PLAGL1: variants seen among roughly 807,000 people sequenced by gnomAD.
PLAGL1 encodes PLAG1 like zinc finger 1.
PLAGL1 carries 1 observed loss-of-function variant against 4.6 expected under a neutral mutation model. That is an observed-to-expected ratio of 0.22 (90% confidence interval 0.08 to 1.03). The LOEUF (loss-of-function observed/expected upper bound fraction) is 1.03. PLAGL1 is among the 50% of genes least tolerant of loss of function. The pLI is 0.58. For missense variants in PLAGL1, 464 were observed against 570.4 expected (o/e 0.81, Z 1.90); for synonymous variants, 240 against 237.8 (o/e 1.01, Z -0.08).
intron 1 of PLAGL1, among the ~76,000 whole-genome samples, chr6:144,002,531 C>A (rs949455181): frequency 4.6e-5 from 7 of 151,758 alleles, no homozygotes; most frequent in African/African-American, 1.7e-4. Flanking sequence ...AAAACAAAAA[C>A]AAAAACAAAT....
In PLAGL1 at chr6:143,963,328, G is replaced by C. The variant is rs184122791; in HGVS notation, c.-399+1459C>G. ...CATCTACCTCCCTCCCGCAGCTCTC[G>C]GGATACCTTGCAGTGCCCCTTCAAG... On this transcript the variant is annotated intron_variant, in intron 5 of 7. Transcript: ENST00000674357. The surrounding 1 kb of genome is among the most constrained non-coding windows in gnomAD (Gnocchi z 6.1). Among the ~76,000 whole-genome samples the C allele has an allele frequency of 6.6e-6, 1 of 152,108 alleles. No homozygotes were observed. Among genetic ancestry groups the C allele is most frequent in the Non-Finnish European group, 1.5e-5 (1 of 68,022 alleles).
intron 6 of PLAGL1, among the ~76,000 whole-genome samples, chr6:143,951,454 C>A (rs1479829608): frequency 6.6e-6 from 1 of 152,210 alleles, no homozygotes. Context: ...AAGTAAAACG[C>A]CTGCATTCTT....
rs1382030169 is a variant in PLAGL1 at position 144,056,391 on chromosome 6, T to C, written c.-151+8077A>G. 6.6e-6 allele frequency among the ~76,000 whole-genome samples: 1 copy of C among 152,202 alleles called. No individual in the cohort carries two copies. Among genetic ancestry groups the C allele is most frequent in the East Asian group, 1.9e-4 (1 of 5,200 alleles). On this transcript the variant is annotated intron_variant, in intron 1 of 3. Coordinates refer to the PLAGL1 transcript ENST00000437412. This position sits in a 1 kb window ranked among gnomAD's most constrained non-coding sequence, Gnocchi z 4.7. ...GCTCACCTTGACGTTATACATTCTA[T>C]GTGTTTGGACAAATTTATAACAGCA... is the stretch of plus-strand genomic sequence containing the variant.
rs950591592 is a variant in PLAGL1 at position 143,975,813 on chromosome 6, C to T, written c.-543-6835G>A. On this transcript the variant is annotated intron_variant, in intron 2 of 7. Coordinates refer to ENST00000674357, the MANE Select transcript of PLAGL1 (RefSeq NM_001317162.2). This position sits in a 1 kb window ranked among gnomAD's most constrained non-coding sequence, Gnocchi z 5.8. ...AAAGCAGCAGTGTGGTTTTTCTGCA[C>T]AATTCAGCTTTACTTCTTGCCACTT... Among the ~76,000 whole-genome samples the T allele has an allele frequency of 3.3e-5, 5 of 152,174 alleles. No individual in the cohort carries two copies. Among genetic ancestry groups the T allele is most frequent in the Non-Finnish European group, 5.9e-5 (4 of 68,030 alleles).
Position 143,990,572 on chromosome 6 carries a change from C to T in PLAGL1, c.-583-5398G>A, listed in dbSNP as rs1790265403. Among the ~76,000 whole-genome samples the T allele has an allele frequency of 6.6e-6, 1 of 152,202 alleles. No individual in the cohort carries two copies. The highest frequency in any genetic ancestry group is 1.5e-5 in the Non-Finnish European group (1 of 68,038). ...CTCACTTTCCAACCCATTCCCCAGG[C>T]TCTTATCTCTACCACTCTATCAAAA... On this transcript the variant is annotated intron_variant, in intron 1 of 7. Transcript: ENST00000674357. This position sits in a 1 kb window ranked among gnomAD's most constrained non-coding sequence, Gnocchi z 5.4.
chr6:143,998,966 C>A (rs1554268960), intron 1 of PLAGL1, among the ~76,000 whole-genome samples: 1 of 152,026 alleles, frequency 6.6e-6, no homozygotes, highest in Non-Finnish European at 1.5e-5. Flanking sequence ...TGCTAAGAAG[C>A]CAAGAATCTT....
In PLAGL1 at chr6:143,989,381, G is replaced by C. The variant is rs566283969; in HGVS notation, c.-583-4207C>G. ...TCTGGATGAAATCAACACTTGTGTT[G>C]GTGGAGTTCGGAGCATACCACCCTC... On this transcript the variant is annotated intron_variant, in intron 1 of 7. Coordinates refer to ENST00000674357, the MANE Select transcript of PLAGL1 (RefSeq NM_001317162.2). This position sits in a 1 kb window ranked among gnomAD's most constrained non-coding sequence, Gnocchi z 4.8. Among the ~76,000 whole-genome samples, 1 of 152,272 alleles carries C rather than the reference G, an allele frequency of 6.6e-6. No homozygotes were observed. Among genetic ancestry groups the C allele is most frequent in the South Asian group, 2.1e-4 (1 of 4,828 alleles).
intron 6 of PLAGL1, among the ~76,000 whole-genome samples, chr6:143,951,513 G>A (rs565167390): frequency 6.6e-6 from 1 of 152,322 alleles, no homozygotes; most frequent in East Asian, 1.9e-4. Flanking sequence ...CACACTAGGA[G>A]TACAAAGAAA....
upstream of PLAGL1, among the ~76,000 whole-genome samples, chr6:144,010,617 A>G (rs1182374608): frequency 6.6e-6 from 1 of 152,236 alleles, no homozygotes; most frequent in African/African-American, 2.4e-5. This position sits in a 1 kb window ranked among gnomAD's most constrained non-coding sequence, Gnocchi z 4.1. Flanking sequence ...TAAATTTCAT[A>G]TGGAACCAAA....
intron 2 of PLAGL1, among the ~76,000 whole-genome samples, chr6:143,977,421 T>G (rs1031224448): frequency 6.6e-6 from 1 of 151,726 alleles, no homozygotes; most frequent in Admixed American, 6.6e-5. Flanking sequence ...TGCCTTTTCA[T>G]GGCTTGATAG....
Position 144,016,051 on chromosome 6 carries a change from C to T in PLAGL1, c.-150-47073G>A, listed in dbSNP as rs1237979963. ...CAACACTGTGCGGAGTCAAAGAAAT[C>T]ATATTGTATTAGTCAGGGTTCTCTA... On this transcript the variant is annotated intron_variant, in intron 1 of 3. Transcript: ENST00000437412. This position sits in a 1 kb window ranked among gnomAD's most constrained non-coding sequence, Gnocchi z 4.2. Among the ~76,000 whole-genome samples, 2 of 151,992 alleles carry T rather than the reference C, an allele frequency of 1.3e-5. No individual in the cohort carries two copies. Among genetic ancestry groups the T allele is most frequent in the Non-Finnish European group, 2.9e-5 (2 of 68,000 alleles).
chr6:143,978,112 T>C lies in PLAGL1; in HGVS notation c.-544+7023A>G, dbSNP rs1787119565. Among the ~76,000 whole-genome samples the C allele has an allele frequency of 6.6e-6, 1 of 152,160 alleles. No homozygotes were observed. Among genetic ancestry groups the C allele is most frequent in the Non-Finnish European group, 1.5e-5 (1 of 68,022 alleles). Reference sequence around the variant, plus strand: ...TAGAGATTTATCATTTTACTGATCTTTTCAAAGAACCAGCTTTTTATTTTG... The same window carrying C: ...TAGAGATTTATCATTTTACTGATCTCTTCAAAGAACCAGCTTTTTATTTTG... On this transcript the variant is annotated intron_variant, in intron 2 of 7. Transcript: ENST00000674357. The surrounding 1 kb of genome is among the most constrained non-coding windows in gnomAD (Gnocchi z 4.6).
At position 143,960,209 on chromosome 6, in the gene PLAGL1, G is replaced by C. The variant is rs1783089918; in HGVS notation, c.-325+260C>G. Among the ~76,000 whole-genome samples, 1 of 152,232 alleles carries C rather than the reference G, an allele frequency of 6.6e-6. No individual in the cohort carries two copies. The highest frequency in any genetic ancestry group is 1.5e-5 in the Non-Finnish European group (1 of 68,036). On this transcript the variant is annotated intron_variant, in intron 6 of 7. Transcript: ENST00000674357. The surrounding 1 kb of genome is among the most constrained non-coding windows in gnomAD (Gnocchi z 5.7). ...CTATGTGTATTACTAGGCTGTGGATGTGGGACAGCAGAGGTCATGAAAAGT... is the reference window on the plus strand; with the variant it reads ...CTATGTGTATTACTAGGCTGTGGATCTGGGACAGCAGAGGTCATGAAAAGT...
rs34847983 is a variant in PLAGL1, at chr6:143,955,348, C to G, written c.-325+5121G>C. Among the ~76,000 whole-genome samples the G allele has an allele frequency of 6.2e-4, 95 of 152,266 alleles. No homozygotes were observed. The Middle Eastern group carries it at 0.01, about 16-fold the overall frequency. ...GTGCAGATGTGGGCAAAGGAGAAAA[C>G]AGGCTAGAGAGATGGAGAATCGTGA... On this transcript the variant is annotated intron_variant, in intron 6 of 7. Coordinates refer to ENST00000674357, the MANE Select transcript of PLAGL1 (RefSeq NM_001317162.2). The surrounding 1 kb of genome is among the most constrained non-coding windows in gnomAD (Gnocchi z 4.9).
In PLAGL1 at chr6:144,034,599, C is replaced by T. The variant is rs180683291; in HGVS notation, c.-151+29869G>A. ...TCCAGCAAAGAAAAGTGGGAGGCCC[C>T]GACAAATTGTCATTATGCAATAATG... is the stretch of plus-strand genomic sequence containing the variant. On this transcript the variant is annotated intron_variant, in intron 1 of 3. Transcript: ENST00000437412. This position sits in a 1 kb window ranked among gnomAD's most constrained non-coding sequence, Gnocchi z 4.7. 3.5e-3 allele frequency among the ~76,000 whole-genome samples: 536 copies of T among 152,148 alleles called. 2 individuals carry two copies. Among genetic ancestry groups the T allele is most frequent in the African/African-American group, 0.012 (490 of 41,518 alleles).
intron 1 of PLAGL1, among the ~76,000 whole-genome samples, chr6:144,062,470 CAAAAAAAAAAAAAAA>C (rs543521128): frequency 1.1e-4 from 8 of 75,722 alleles, no homozygotes; most frequent in African/African-American, 3.1e-4. Context: ...GTTATCAGAC[CAAAAAAAAAAAAAAA>C]AAAAAAAAAA....
rs970115849 is a variant in PLAGL1 at position 143,958,202 on chromosome 6, T to C, written c.-325+2267A>G. On this transcript the variant is annotated intron_variant, in intron 6 of 7. Transcript: ENST00000674357. This position sits in a 1 kb window ranked among gnomAD's most constrained non-coding sequence, Gnocchi z 5.1. The stretch of plus-strand genomic sequence containing the variant: ...TGAGGATGTCCCATCTACAGATGAA[T>C]TGCAGAGAGGAAAAAGTTACATATA... Among the ~76,000 whole-genome samples the C allele has an allele frequency of 6.6e-6, 1 of 152,192 alleles. No homozygotes were observed. Among genetic ancestry groups the C allele is most frequent in the Non-Finnish European group, 1.5e-5 (1 of 68,034 alleles).
chr6:143,988,762 C>A (rs1789754262), intron 1 of PLAGL1, among the ~76,000 whole-genome samples: 1 of 152,144 alleles, frequency 6.6e-6, no homozygotes, highest in African/African-American at 2.4e-5. Context: ...TGCTGGCTCT[C>A]CTATCCTCAC....
Position 143,949,531 on chromosome 6 carries a change from C to T in PLAGL1, c.-324-1071G>A, listed in dbSNP as rs1017799524. On this transcript the variant is annotated intron_variant, in intron 6 of 7. Transcript: ENST00000674357. The surrounding 1 kb of genome is among the most constrained non-coding windows in gnomAD (Gnocchi z 5.3). ...ATCCCTGGACTCTGACAGCAGGTTTCAAATCGGCCTCTACCTGCCACTACC... is the reference window on the plus strand; with the variant it reads ...ATCCCTGGACTCTGACAGCAGGTTTTAAATCGGCCTCTACCTGCCACTACC... 6.6e-6 allele frequency among the ~76,000 whole-genome samples: 1 copy of T among 152,192 alleles called. No individual in the cohort carries two copies. The highest frequency in any genetic ancestry group is 2.4e-5 in the African/African-American group (1 of 41,446).
Sources: allele counts gnomAD v4.1 joint callset (sites outside exome capture counted in the v4.1 genomes callset), GRCh38; gene constraint gnomAD v4.1.1; non-coding constraint Gnocchi (gnomAD v3.1); transcripts MANE v1.5; gene names NCBI Gene and HGNC (gene_info 2026-07-23, HGNC 2026-07-21).